Variants in LRRK1 observed in about 807,000 individuals in gnomAD.
LRRK1 encodes the protein leucine rich repeat kinase 1.
In LRRK1, 113 loss-of-function variants were observed where a neutral mutation model predicts 209.1. That is an observed-to-expected ratio of 0.54 (90% CI 0.46 to 0.63). The LOEUF (loss-of-function observed/expected upper bound fraction) is 0.63, where lower values mean the gene tolerates loss of function less well. Ranked by LOEUF, LRRK1 falls within the 30% of genes least tolerant of loss-of-function variation. The pLI, the probability that LRRK1 is intolerant of heterozygous loss-of-function variation, is 0.00. For synonymous variants in LRRK1, 1,144 were observed against 1,099.7 expected, an observed-to-expected ratio of 1.04 and a Z score of -0.80; for missense variants, 2,284 against 2,632.2, an observed-to-expected ratio of 0.87 and a Z score of 2.89.
At chr15:101,016,835 T>C (rs1278776200) in intron 12 of LRRK1, among the ~76,000 whole-genome samples, 1 of 152,176 alleles carries the variant, frequency 6.6e-6, no homozygotes, top group Non-Finnish European at 1.5e-5. Context: ...ACCCACAGGC[T>C]GAGGTGAGGC....
Position 101,065,687 on chromosome 15 carries a change from C to A in LRRK1, c.5250C>A (p.Val1750=), listed in dbSNP as rs779877628. ...GCTCTGAGGGCAGAGGGGAGGAGGT[C>A]GTCTGGTGCCTGGATGACAAGGCCA... The part of the protein sequence containing the change: ...VCSSEGRGEE[V]VWCLDDKANS... The change falls in exon 32 of 34, where the codon GTC becomes GTA. Residue 1750 remains valine, a synonymous_variant. Transcript: ENST00000388948. 1.2e-6 allele frequency: 2 copies of A among 1,614,064 alleles called. No individual in the cohort carries two copies. The highest frequency in any genetic ancestry group is 4.5e-5 in the East Asian group (2 of 44,888).
intron 6 of LRRK1, chr15:100,989,631 A>G (rs1010341731): frequency 1.7e-6 from 1 of 580,494 alleles, no homozygotes; most frequent in Non-Finnish European, 3.0e-6. Flanking sequence ...TTTTATAACA[A>G]CCCACCCTCA....
chr15:100,919,510 G>T lies in LRRK1; in HGVS notation c.-123+59G>T. Reference sequence around the variant, plus strand: ...CCTGGCTGCCTCCCGGCCCCGCCCGGGGAACCCAGAGCCCGCGCCCGGCGC... The same window carrying T: ...CCTGGCTGCCTCCCGGCCCCGCCCGTGGAACCCAGAGCCCGCGCCCGGCGC... On this transcript the variant is annotated intron_variant, in intron 1 of 33. Coordinates refer to ENST00000388948, the MANE Select transcript of LRRK1 (RefSeq NM_024652.6). The surrounding 1 kb of genome is among the most constrained non-coding windows in gnomAD (Gnocchi z 5.8). The T allele has an allele frequency of 6.8e-6, 1 of 147,362 alleles. No individual in the cohort carries two copies. The highest frequency in any genetic ancestry group is 1.9e-4 in the South Asian group (1 of 5,138). 9.1% of individuals were successfully genotyped at this position (147,362 alleles called of 1,614,324 possible). A position where few individuals can be genotyped will look rare whatever the true frequency, so the allele number is the denominator to read the frequency against.
chr15:100,931,136 A>G (rs899159332), intron 2 of LRRK1, among the ~76,000 whole-genome samples: 1 of 152,242 alleles, frequency 6.6e-6, no homozygotes, highest in African/African-American at 2.4e-5. Context: ...TCCTGAGCTC[A>G]TCACCCCCAT....
intron 2 of LRRK1, among the ~76,000 whole-genome samples, chr15:100,939,995 G>C (rs918121834): frequency 6.6e-6 from 1 of 152,020 alleles, no homozygotes; most frequent in Non-Finnish European, 1.5e-5. Context: ...CTATCTTTTG[G>C]CATGACCCCA....
At chr15:100,934,802 CAA>C (rs56258040) in intron 2 of LRRK1, among the ~76,000 whole-genome samples, 1,487 of 53,376 alleles carry the variant, frequency 0.028, 28 homozygotes, top group African/African-American at 0.081. Flanking sequence ...GAAACTGTCT[CAA>C]AAAAAAAAAA....
chr15:100,935,372 A>G (rs2042282931), intron 2 of LRRK1, among the ~76,000 whole-genome samples: 1 of 152,228 alleles, frequency 6.6e-6, no homozygotes, highest in Admixed American at 6.5e-5. Context: ...TGCTCCTGGC[A>G]AGGCATCAGT....
rs754329247 is a variant in LRRK1 at position 101,012,040 on chromosome 15, A to G, written c.1314A>G (p.Glu438=). The change falls in exon 10 of 34, where the codon GAA becomes GAG. Residue 438 remains glutamate (E), a synonymous_variant. Coordinates refer to ENST00000388948, the MANE Select transcript of LRRK1 (RefSeq NM_024652.6). Reference sequence around the variant, plus strand: ...GTAAAGCTTCCAGAAATGCCCTGGAATGTCTGCCAGACAAAATGGCTGTCT... The same window carrying G: ...GTAAAGCTTCCAGAAATGCCCTGGAGTGTCTGCCAGACAAAATGGCTGTCT... ...KCCKASRNAL[E]CLPDKMAVFW... 1.9e-6 allele frequency: 3 copies of G among 1,609,720 alleles called. No homozygotes were observed. Among genetic ancestry groups the G allele is most frequent in the Non-Finnish European group, 2.5e-6 (3 of 1,178,310 alleles).
At chr15:100,976,820 G>A (rs1225837420) in intron 3 of LRRK1, among the ~76,000 whole-genome samples, 2 of 152,180 alleles carry the variant, frequency 1.3e-5, no homozygotes, top group South Asian at 2.1e-4. Context: ...AGAAATCTCA[G>A]TCTGTCCTGG....
chr15:101,015,440 CAGCCGGGGT>C lies in LRRK1; in HGVS notation c.1609+43_1609+51del, dbSNP rs1463114654. The C allele has an allele frequency of 3.3e-6, 5 of 1,522,282 alleles. No homozygotes were observed. In the African/African-American group the frequency reaches 6.9e-5, roughly 21 times the overall value. The allele number at this position is 1,522,282 out of a possible 1,614,324, so 94.3% of individuals were successfully genotyped here. A position where few individuals can be genotyped will look rare whatever the true frequency, so the allele number is the denominator to read the frequency against. The stretch of plus-strand genomic sequence containing the variant: ...TGGGAGACGGTGTTCCCAGATGAGA[CAGCCGGGGT>C]AGCCTGGTTCCTGCTCCACCAAAGT... On this transcript the variant is annotated intron_variant, in intron 12 of 33. Transcript: ENST00000388948.
At chr15:101,005,136 C>G (rs1328748941) in intron 6 of LRRK1, among the ~76,000 whole-genome samples, 1 of 152,184 alleles carries the variant, frequency 6.6e-6, no homozygotes, top group Admixed American at 6.5e-5. Context: ...CTGTCTGGCC[C>G]TTGCCCCTGA....
intron 4 of LRRK1, 79 bp from the exon 5 acceptor site, chr15:100,988,555 C>A: frequency 7.7e-7 from 1 of 1,302,248 alleles, no homozygotes; most frequent in Non-Finnish European, 1.1e-6. Context: ...TTGCTACTAG[C>A]GGTCTAAGGG....
rs55703276 is a variant in LRRK1, at chr15:101,055,361, A to G, written c.4332+138A>G. 12,598 of 816,534 alleles carry G rather than the reference A, an allele frequency of 0.015. 1,138 individuals are homozygous for G. In the African/African-American group the frequency reaches 0.2, roughly 13 times the overall value. 50.6% of individuals were successfully genotyped at this position (816,534 alleles called of 1,614,324 possible). ...CATTTTTCTCACTCTCCCTTGCTCAATGAGGGAGGTTCTGGCTTGAACCAG... is the reference window on the plus strand; with the variant it reads ...CATTTTTCTCACTCTCCCTTGCTCAGTGAGGGAGGTTCTGGCTTGAACCAG... On this transcript the variant is annotated intron_variant, in intron 27 of 33. Coordinates refer to ENST00000388948, the MANE Select transcript of LRRK1 (RefSeq NM_024652.6).
Position 101,015,399 on chromosome 15 carries a change from G to T in LRRK1, c.1606G>T (p.Ala536Ser). The change falls in exon 12 of 34, where the codon GCA becomes TCA. Residue 536 changes from alanine (A) to serine (S), a missense_variant. Ala to Ser is a moderately conservative substitution (Grantham distance 99). Around this residue, in one of 6 missense-constraint regions of LRRK1, gnomAD observed 494 missense variants for 522.1 expected, o/e 0.95. Transcript: ENST00000388948. ...AGGTCGCCAGCGCTCCGGGACTGAG[G>T]CAGGTGTGTGTGGGTTGGGAGACGG... is the stretch of plus-strand genomic sequence containing the variant. ...TRGRQRSGTEAASVLEFPAFL... is the reference protein window; with the variant it reads ...TRGRQRSGTESASVLEFPAFL... 6.2e-7 allele frequency: 1 copy of T among 1,612,222 alleles called. No individual in the cohort carries two copies. Among genetic ancestry groups the T allele is most frequent in the African/African-American group, 1.3e-5 (1 of 75,004 alleles).
chr15:101,058,999 G>T (rs2035994065), intron 29 of LRRK1, among the ~76,000 whole-genome samples: 1 of 152,198 alleles, frequency 6.6e-6, no homozygotes, highest in Admixed American at 6.5e-5. Context: ...AGACTTCGCA[G>T]TTTCTCTTAG....
chr15:101,037,185 G>A (rs897344057), intron 20 of LRRK1, among the ~76,000 whole-genome samples: 2 of 152,206 alleles, frequency 1.3e-5, no homozygotes, highest in East Asian at 3.8e-4. Flanking sequence ...AATGGCAGTG[G>A]AAGTGGCAGG....
intron 20 of LRRK1, among the ~76,000 whole-genome samples, chr15:101,042,297 G>A (rs767646302): frequency 7.0e-6 from 1 of 143,112 alleles, no homozygotes; most frequent in Non-Finnish European, 1.5e-5. Flanking sequence ...TTTCTTCGAT[G>A]TAGAATTCTG....
chr15:101,062,175 G>A (rs1469602193), intron 30 of LRRK1, among the ~76,000 whole-genome samples: 1 of 152,140 alleles, frequency 6.6e-6, no homozygotes, highest in Admixed American at 6.5e-5. Flanking sequence ...TCCTCCTAGA[G>A]TGAGGAAAGC....
chr15:101,053,627 G>A (rs1025316399), intron 26 of LRRK1, among the ~76,000 whole-genome samples: 3 of 152,150 alleles, frequency 2.0e-5, no homozygotes, highest in African/African-American at 7.2e-5. Context: ...ACGGGGGAGC[G>A]CACACTCTGG....
Sources: allele counts gnomAD v4.1 joint callset (sites outside exome capture counted in the v4.1 genomes callset), GRCh38; gene constraint gnomAD v4.1.1; regional missense constraint gnomAD v4.1.1; non-coding constraint Gnocchi (gnomAD v3.1); transcripts MANE v1.5; gene names NCBI Gene and HGNC (gene_info 2026-07-23, HGNC 2026-07-21).